NTRK2: variants seen among roughly 807,000 people sequenced by gnomAD.
NTRK2 encodes neurotrophic receptor tyrosine kinase 2.
In NTRK2, 13 loss-of-function variants were observed where a neutral mutation model predicts 94.5. That is an observed-to-expected ratio of 0.14 (90% CI 0.09 to 0.22). The LOEUF (loss-of-function observed/expected upper bound fraction) is 0.22. Ranked by LOEUF, NTRK2 falls within the 10% of genes least tolerant of loss-of-function variation. NTRK2 has a pLI of 1.00. For missense variants in NTRK2, 639 were observed against 1,071.2 expected, an observed-to-expected ratio of 0.60 and a Z score of 5.63; for synonymous variants, 372 against 407.4, an observed-to-expected ratio of 0.91 and a Z score of 1.05.
intron 17 of NTRK2, among the ~76,000 whole-genome samples, chr9:84,974,645 C>G (rs1564516884): frequency 6.6e-6 from 1 of 152,200 alleles, no homozygotes; most frequent in African/African-American, 2.4e-5. Flanking sequence ...GGAGAATGGG[C>G]TGTTCTCCAG....
intron 12 of NTRK2, among the ~76,000 whole-genome samples, chr9:84,857,864 T>A (rs1462872829): frequency 6.6e-6 from 1 of 152,152 alleles, no homozygotes; most frequent in East Asian, 1.9e-4. Context: ...ACGAAGCCTG[T>A]GTCTTGAGCT....
chr9:84,815,596 A>G (rs2072321199), intron 12 of NTRK2: 1 of 1,001,086 alleles, frequency 1.0e-6, no homozygotes, highest in African/African-American at 1.7e-5. Context: ...ATGGATAATC[A>G]TTTTAAAAAT....
intron 11 of NTRK2, 137 bp downstream of exon 11, chr9:84,745,210 T>A: frequency 1.4e-6 from 1 of 728,374 alleles, no homozygotes. Flanking sequence ...TTGGAAGAAT[T>A]AATAAAAGGC....
chr9:85,025,563 ACTTT>A lies in NTRK2; in HGVS notation c.*4131_*4134del. On this transcript the variant is annotated 3_prime_UTR_variant, in exon 19 of 19. Transcript: ENST00000277120. ...AGCAGGATTACCTGGTCAAGTATGG[ACTTT>A]CTTTGAATCTTTCTTTTCACAAATT... The A allele has an allele frequency of 4.3e-6, 1 of 233,242 alleles. No homozygotes were observed. The allele number at this position is 233,242 out of a possible 1,614,324, so 14.4% of individuals were successfully genotyped here.
At chr9:85,010,164 A>G (rs148431088) in intron 17 of NTRK2, among the ~76,000 whole-genome samples, 1 of 152,356 alleles carries the variant, frequency 6.6e-6, no homozygotes, top group African/African-American at 2.4e-5. Flanking sequence ...CTCTGTTTAC[A>G]AATTGCTGCA....
At chr9:84,937,843 T>C (rs1449674277) in intron 15 of NTRK2, among the ~76,000 whole-genome samples, 1 of 152,230 alleles carries the variant, frequency 6.6e-6, no homozygotes, top group Non-Finnish European at 1.5e-5. Context: ...CAACCTGTAT[T>C]TCCAAAGCTG....
intron 12 of NTRK2, among the ~76,000 whole-genome samples, chr9:84,800,131 C>T (rs1295620642): frequency 6.6e-6 from 1 of 152,162 alleles, no homozygotes; most frequent in Non-Finnish European, 1.5e-5. Context: ...CCTGGAGGCA[C>T]TCCTCTCGCC....
intron 17 of NTRK2, among the ~76,000 whole-genome samples, chr9:85,004,231 G>A (rs77959442): frequency 0.04 from 6,103 of 151,712 alleles, 192 homozygotes; most frequent in Non-Finnish European, 0.058. Context: ...TTGGAAAGGG[G>A]GAAGATTGTT....
chr9:84,887,745 A>G (rs1044270027), intron 14 of NTRK2, among the ~76,000 whole-genome samples: 1 of 152,178 alleles, frequency 6.6e-6, no homozygotes, highest in Admixed American at 6.5e-5. Flanking sequence ...AGCGGCATCC[A>G]TTCTCAGCTT....
At chr9:84,898,748 G>C (rs886490524) in intron 14 of NTRK2, among the ~76,000 whole-genome samples, 1 of 151,836 alleles carries the variant, frequency 6.6e-6, no homozygotes, top group African/African-American at 2.4e-5. Flanking sequence ...TGTTGCCCAG[G>C]CTGGAGTGCA....
intron 14 of NTRK2, among the ~76,000 whole-genome samples, chr9:84,893,608 G>A (rs948217119): frequency 2.6e-5 from 4 of 152,178 alleles, no homozygotes; most frequent in Non-Finnish European, 4.4e-5. Flanking sequence ...AACCCCAGAC[G>A]CTGTGTGTTT....
At chr9:84,932,513 TTAAATTAAACTGCAGATATATGGTTTA>T (rs1734452187) in intron 14 of NTRK2, among the ~76,000 whole-genome samples, 1 of 152,158 alleles carries the variant, frequency 6.6e-6, no homozygotes, top group African/African-American at 2.4e-5. Context: ...TTACTGCAGT[TTAAATTAAACTGCAGATATATGGTTTA>T]TATTTTCGTA....
At chr9:84,922,846 A>G (rs1057005551) in intron 14 of NTRK2, among the ~76,000 whole-genome samples, 7 of 152,250 alleles carry the variant, frequency 4.6e-5, no homozygotes, top group African/African-American at 1.7e-4. Flanking sequence ...GGGGGAAAGT[A>G]GGTTGGTTTG....
chr9:84,918,266 C>G (rs921747601), intron 14 of NTRK2, among the ~76,000 whole-genome samples: 2 of 152,248 alleles, frequency 1.3e-5, no homozygotes, highest in African/African-American at 2.4e-5. Flanking sequence ...GGCTGGCCAT[C>G]ATACACATTG....
At chr9:84,867,513 G>T in intron 14 of NTRK2, 82 bp downstream of exon 14, 1 of 1,175,220 alleles carries the variant, frequency 8.5e-7, no homozygotes, top group South Asian at 1.2e-5. Flanking sequence ...CCCTGATAGG[G>T]ATGACTGGCG....
At chr9:85,002,717 T>C (rs906657877) in intron 17 of NTRK2, among the ~76,000 whole-genome samples, 3 of 152,234 alleles carry the variant, frequency 2.0e-5, no homozygotes, top group African/African-American at 7.2e-5. Context: ...TATTATGTTT[T>C]ATTCAAGTTT....
chr9:85,014,388 A>G (rs1831992112), intron 17 of NTRK2, among the ~76,000 whole-genome samples: 1 of 152,204 alleles, frequency 6.6e-6, no homozygotes, highest in South Asian at 2.1e-4. Context: ...TGTGCCAAGG[A>G]TAGCAAACAA....
Position 84,955,368 on chromosome 9 carries a change from C to T in NTRK2, c.2023C>T (p.Gln675Ter), listed in dbSNP as rs2132974914. ...TQSQMLHIAQ[Q>*]IAAGMVYLAS... ...GTCGCAGATGCTGCATATAGCCCAGCAGATCGCCGCGGGCATGGTCTACCT... is the reference window on the plus strand; with the variant it reads ...GTCGCAGATGCTGCATATAGCCCAGTAGATCGCCGCGGGCATGGTCTACCT... Residue 675 changes from glutamine to a stop codon, truncating the protein, a stop_gained, in exon 17 of 19, where the codon CAG becomes TAG. Transcript: ENST00000277120. LOFTEE classifies it high-confidence loss of function. 2 of 1,613,826 alleles carry T rather than the reference C, an allele frequency of 1.2e-6. No individual in the cohort carries two copies. The highest frequency in any genetic ancestry group is 8.5e-7 in the Non-Finnish European group (1 of 1,179,858).
At chr9:84,931,416 A>AG (rs1554770980) in intron 14 of NTRK2, among the ~76,000 whole-genome samples, 19 of 147,906 alleles carry the variant, frequency 1.3e-4, no homozygotes, top group Middle Eastern at 3.4e-3. Context: ...CAAAAAAAAA[A>AG]AGAGAGAGAG....
Sources: gnomAD v4.1 joint callset for allele counts (sites outside exome capture counted in the v4.1 genomes callset) on GRCh38, gnomAD v4.1.1 for gene constraint, MANE v1.5 for transcripts, NCBI Gene and HGNC (gene_info 2026-07-23, HGNC 2026-07-21) for gene names.